The following SLC25A13 variants were observed in gnomAD, a reference collection of about 807,000 sequenced individuals.
The protein encoded by SLC25A13 is electrogenic aspartate/glutamate antiporter SLC25A13, mitochondrial.
A neutral mutation model predicts 85.5 loss-of-function variants in SLC25A13; 70 were observed. The observed-to-expected ratio is 0.82, with a 90% CI of 0.68 to 1.00. The LOEUF (loss-of-function observed/expected upper bound fraction) is 1.00, where lower values mean the gene tolerates loss of function less well. SLC25A13 is among the 50% of genes least tolerant of loss of function. The probability of loss-of-function intolerance (pLI) is 0.00; values close to 1 mark genes in which losing one functional copy is unlikely to be tolerated. For missense variants in SLC25A13, 765 were observed against 819.8 expected, an observed-to-expected ratio of 0.93 and a Z score of 0.82; for synonymous variants, 259 against 288.7, an observed-to-expected ratio of 0.90 and a Z score of 1.04.
intron 3 of SLC25A13, among the ~76,000 whole-genome samples, chr7:96,238,129 C>G (rs1474211040): frequency 6.6e-6 from 1 of 152,062 alleles, no homozygotes; most frequent in Admixed American, 6.6e-5. Flanking sequence ...AGGGCAGGCA[C>G]CTAATCCAAT....
At chr7:96,131,917 C>T (rs753258126) in intron 14 of SLC25A13, 36 bp from the exon 15 acceptor site, 1 of 1,613,390 alleles carries the variant, frequency 6.2e-7, no homozygotes, top group Non-Finnish European at 8.5e-7. Flanking sequence ...CCACATGAAA[C>T]ACATATCCCA....
chr7:96,150,554 T>G (rs577655127), intron 13 of SLC25A13, among the ~76,000 whole-genome samples: 12 of 152,094 alleles, frequency 7.9e-5, no homozygotes, highest in Non-Finnish European at 1.8e-4. Flanking sequence ...TGACTATAGT[T>G]GGAAACAGGG....
At chr7:96,155,704 T>C (rs1793234834) in intron 13 of SLC25A13, among the ~76,000 whole-genome samples, 1 of 152,214 alleles carries the variant, frequency 6.6e-6, no homozygotes, top group Non-Finnish European at 1.5e-5. Context: ...ACTACGGCCC[T>C]GCAAACTCTC....
chr7:96,157,777 G>T (rs1349792050), intron 13 of SLC25A13, among the ~76,000 whole-genome samples: 1 of 151,626 alleles, frequency 6.6e-6, no homozygotes, highest in African/African-American at 2.4e-5. Flanking sequence ...CTCCAGCCTG[G>T]GCGACAGAAC....
rs781292740 is a variant in SLC25A13 at position 96,121,277 on chromosome 7, C to G, written c.1942G>C (p.Ala648Pro). ...GGYKLAVATF[A>P]GIENKFGLYL... is the part of the protein sequence containing the mutation. ...AGTCCAAATTTGTTTTCAATCCCTG[C>G]AAATGTAGCAACTGCCAGTTTGTAG... is the stretch of plus-strand genomic sequence containing the variant. The change falls in exon 18 of 18, where the codon GCA becomes CCA. Residue 648 changes from alanine to proline, a missense_variant. Ala to Pro is a conservative substitution (Grantham distance 27). Transcript: ENST00000265631. The G allele has an allele frequency of 1.2e-6, 2 of 1,614,106 alleles. No individual in the cohort carries two copies. Among genetic ancestry groups the G allele is most frequent in the Non-Finnish European group, 1.7e-6 (2 of 1,180,016 alleles).
At chr7:96,228,858 AGCTGTGGAGGGTGT>A (rs1796417083) in intron 4 of SLC25A13, among the ~76,000 whole-genome samples, 1 of 152,170 alleles carries the variant, frequency 6.6e-6, no homozygotes, top group Non-Finnish European at 1.5e-5. Context: ...CTATGCCAGC[AGCTGTGGAGGGTGT>A]GCTGGGTCCC....
chr7:96,213,445 G>C, intron 4 of SLC25A13, among the ~76,000 whole-genome samples: 1 of 152,240 alleles, frequency 6.6e-6, no homozygotes, highest in East Asian at 1.9e-4. Flanking sequence ...AATCCAAAGC[G>C]ATTTTCAAGC....
rs117435698 is a variant in SLC25A13 at position 96,316,259 on chromosome 7, T to C, written c.15+5683A>G. ...ATATGCTTTAAATGGGTAAATTGTATAGTACTTGAATTATATCTCAATAAA... is the reference window on the plus strand; with the variant it reads ...ATATGCTTTAAATGGGTAAATTGTACAGTACTTGAATTATATCTCAATAAA... On this transcript the variant is annotated intron_variant, in intron 1 of 17. Transcript: ENST00000265631. Among the ~76,000 whole-genome samples, 71 of 152,334 alleles carry C rather than the reference T, an allele frequency of 4.7e-4. No individual in the cohort carries two copies. The East Asian group carries it at 0.013, about 29-fold the overall frequency.
At chr7:96,232,236 T>C (rs1194900325) in intron 4 of SLC25A13, among the ~76,000 whole-genome samples, 1 of 151,996 alleles carries the variant, frequency 6.6e-6, no homozygotes, top group Non-Finnish European at 1.5e-5. Context: ...ATATACACCA[T>C]GGAATACTAT....
intron 2 of SLC25A13, among the ~76,000 whole-genome samples, chr7:96,291,820 C>T (rs758885187): frequency 1.3e-5 from 2 of 152,076 alleles, no homozygotes; most frequent in Non-Finnish European, 1.5e-5. Context: ...CAGGACCAGA[C>T]AGATTCACAG....
At chr7:96,138,503 T>G (rs888960779) in intron 14 of SLC25A13, among the ~76,000 whole-genome samples, 3 of 151,598 alleles carry the variant, frequency 2.0e-5, no homozygotes, top group Non-Finnish European at 4.4e-5. Context: ...TCAAGTGCTC[T>G]TCCCCCCTCA....
chr7:96,293,247 T>A (rs1356718763), intron 2 of SLC25A13, among the ~76,000 whole-genome samples: 4 of 152,286 alleles, frequency 2.6e-5, no homozygotes, highest in African/African-American at 7.2e-5. Context: ...TGAAACTGGA[T>A]CCCTTCCTTA....
chr7:96,131,456 T>G, intron 15 of SLC25A13, among the ~76,000 whole-genome samples: 1 of 152,242 alleles, frequency 6.6e-6, no homozygotes, highest in East Asian at 1.9e-4. Flanking sequence ...GAAGTGAGAC[T>G]ATGAAATGAT....
chr7:96,202,576 A>T (rs1229508154), intron 5 of SLC25A13, among the ~76,000 whole-genome samples: 1 of 152,126 alleles, frequency 6.6e-6, no homozygotes, highest in Non-Finnish European at 1.5e-5. Context: ...ATGCTTTTAG[A>T]GCAATAGCTG....
rs187720555 is a variant in SLC25A13 at position 96,259,988 on chromosome 7, A to T, written c.212+17208T>A. On this transcript the variant is annotated intron_variant, in intron 3 of 17. Transcript: ENST00000265631. Reference sequence around the variant, plus strand: ...CAAACACCGCATGTTCGCACTCATAAGTGGTAGTCGAACAATGAGAACATA... The same window carrying T: ...CAAACACCGCATGTTCGCACTCATATGTGGTAGTCGAACAATGAGAACATA... Among the ~76,000 whole-genome samples, 54 of 146,560 alleles carry T rather than the reference A, an allele frequency of 3.7e-4. No individual in the cohort carries two copies. In the East Asian group the frequency reaches 0.01, roughly 28 times the overall value.
chr7:96,256,991 G>A (rs1797661927), intron 3 of SLC25A13, among the ~76,000 whole-genome samples: 2 of 152,084 alleles, frequency 1.3e-5, no homozygotes, highest in Non-Finnish European at 2.9e-5. Context: ...AATTAAGGCA[G>A]AAATAAATAA....
chr7:96,156,698 G>A (rs1450068146), intron 13 of SLC25A13, among the ~76,000 whole-genome samples: 1 of 151,942 alleles, frequency 6.6e-6, no homozygotes, highest in Admixed American at 6.6e-5. Context: ...TGACCTGCCC[G>A]CCTCAGCCTC....
chr7:96,154,824 G>A (rs562920654), intron 13 of SLC25A13, among the ~76,000 whole-genome samples: 2 of 145,232 alleles, frequency 1.4e-5, no homozygotes, highest in African/African-American at 5.2e-5. Flanking sequence ...TTAAGACAGA[G>A]TCTCTCTCTG....
intron 9 of SLC25A13, among the ~76,000 whole-genome samples, chr7:96,188,476 T>C (rs1425549400): frequency 2.2e-4 from 34 of 152,180 alleles, no homozygotes; most frequent in Non-Finnish European, 1.5e-5. Flanking sequence ...AACCCAGAGC[T>C]CCATGCCAGA....
Sources: gnomAD v4.1 joint callset for allele counts (sites outside exome capture counted in the v4.1 genomes callset) on GRCh38, gnomAD v4.1.1 for gene constraint, MANE v1.5 for transcripts, NCBI Gene and HGNC (gene_info 2026-07-23, HGNC 2026-07-21) for gene names.